RHPN2: variants seen among roughly 807,000 people sequenced by gnomAD.
The protein encoded by RHPN2 is rhophilin-2.
A neutral mutation model predicts 79.0 loss-of-function variants in RHPN2; 40 were observed. That is an observed-to-expected ratio of 0.51 (90% CI 0.39 to 0.66). RHPN2 has a LOEUF of 0.66. RHPN2 is among the 30% of genes least tolerant of loss of function. The probability of loss-of-function intolerance (pLI) is 0.00; values close to 1 mark genes in which losing one functional copy is unlikely to be tolerated. For synonymous variants in RHPN2, 285 were observed against 363.5 expected (o/e 0.78, Z 2.46); for missense variants, 686 against 883.5 (o/e 0.78, Z 2.83).
At chr19:32,996,563 C>T (rs1229726796) in intron 10 of RHPN2, 4 of 388,328 alleles carry the variant, frequency 1.0e-5, no homozygotes, top group Non-Finnish European at 2.0e-5. Flanking sequence ...GTGGCAGGTA[C>T]CTAAAGCCCC....
chr19:33,033,951 G>A (rs563081138), intron 2 of RHPN2, among the ~76,000 whole-genome samples: 196 of 151,906 alleles, frequency 1.3e-3, no homozygotes, highest in African/African-American at 4.1e-3. Flanking sequence ...GAGCTTCCAC[G>A]TAATGCCAAC....
At chr19:33,002,222 A>AACTCCCGAACCCCCC in intron 9 of RHPN2, 25 bp downstream of exon 9, 2 of 1,610,728 alleles carry the variant, frequency 1.2e-6, no homozygotes, top group Non-Finnish European at 1.7e-6. Flanking sequence ...GCCCTCGCCA[A>AACTCCCGAACCCCCC]ACTCCCGAAC....
chr19:33,023,388 C>G (rs1165717682), intron 3 of RHPN2, among the ~76,000 whole-genome samples: 3 of 146,636 alleles, frequency 2.0e-5, no homozygotes, highest in Non-Finnish European at 4.5e-5. Flanking sequence ...GAGCCAAGAT[C>G]ACGCCACTGC....
At chr19:33,020,494 ATTTTTTT>A (rs35117323) in intron 4 of RHPN2, among the ~76,000 whole-genome samples, 1 of 131,392 alleles carries the variant, frequency 7.6e-6, no homozygotes, top group Non-Finnish European at 1.6e-5. Context: ...TGCCCAGCTA[ATTTTTTT>A]TTTTTTTTTT....
At position 33,003,015 on chromosome 19, in the gene RHPN2, TG is replaced by T; in HGVS notation, c.761-16del. ...ATTTAAAACCCCTAAAAGTGGAAAA[TG>T]TTTTGCCCATTAGTTCGGGTTCATA... On this transcript the variant is annotated splice_polypyrimidine_tract_variant and intron_variant, in intron 7 of 14. Coordinates refer to ENST00000254260, the MANE Select transcript of RHPN2 (RefSeq NM_033103.5). 6.2e-7 allele frequency: 1 copy of T among 1,612,736 alleles called. No individual in the cohort carries two copies. Among genetic ancestry groups the T allele is most frequent in the Non-Finnish European group, 8.5e-7 (1 of 1,179,176 alleles).
intron 14 of RHPN2, among the ~76,000 whole-genome samples, chr19:32,987,923 G>A (rs1404469512): frequency 2.6e-5 from 4 of 152,114 alleles, no homozygotes; most frequent in Non-Finnish European, 4.4e-5. Flanking sequence ...GCTCATGCCT[G>A]TAATCCCAAC....
chr19:32,991,689 C>T, intron 13 of RHPN2, 134 bp downstream of exon 13: 1 of 1,043,432 alleles, frequency 9.6e-7, no homozygotes, highest in South Asian at 1.4e-5. Flanking sequence ...AAAAATTAAT[C>T]CTTTTCTTTT....
chr19:33,013,581 C>T (rs190768623), intron 4 of RHPN2, among the ~76,000 whole-genome samples: 30 of 152,168 alleles, frequency 2.0e-4, no homozygotes, highest in African/African-American at 6.7e-4. Flanking sequence ...GTCTGCGCAT[C>T]GTGGCTCACG....
chr19:33,036,870 G>GCCCCCCCCCCCCCCCCC (rs199550754), intron 2 of RHPN2, among the ~76,000 whole-genome samples: 2 of 141,332 alleles, frequency 1.4e-5, no homozygotes, highest in African/African-American at 5.7e-5. Flanking sequence ...CCATGCCTGA[G>GCCCCCCCCCCCCCCCCC]CCCCCCCGCC....
chr19:33,020,231 T>C (rs1429542222), intron 4 of RHPN2, among the ~76,000 whole-genome samples: 1 of 152,132 alleles, frequency 6.6e-6, no homozygotes, highest in Non-Finnish European at 1.5e-5. Context: ...AAGACTCTGG[T>C]TATTCAAATA....
intron 7 of RHPN2, among the ~76,000 whole-genome samples, chr19:33,006,071 A>G (rs1971788651): frequency 6.6e-6 from 1 of 151,838 alleles, no homozygotes; most frequent in South Asian, 2.1e-4. Flanking sequence ...GTAGAGATGG[A>G]GTTTCGCCTT....
In RHPN2 at chr19:33,018,011, G is replaced by A. The variant is rs192194337; in HGVS notation, c.390+3560C>T. 1.4e-3 allele frequency among the ~76,000 whole-genome samples: 210 copies of A among 152,124 alleles called. 1 individual carries two copies. Among genetic ancestry groups the A allele is most frequent in the African/African-American group, 4.5e-3 (188 of 41,512 alleles). Reference sequence around the variant, plus strand: ...TCTACTAAAAATACAAAAATTAGCCGGGCGTGGTAGTGGGTGCCTGAAACC... The same window carrying A: ...TCTACTAAAAATACAAAAATTAGCCAGGCGTGGTAGTGGGTGCCTGAAACC... On this transcript the variant is annotated intron_variant, in intron 4 of 14. Transcript: ENST00000254260.
rs757463305 is a variant in RHPN2 at position 32,996,204 on chromosome 19, G to A, written c.1242C>T (p.Arg414=). 2 of 1,614,154 alleles carry A rather than the reference G, an allele frequency of 1.2e-6. No homozygotes were observed. The highest frequency in any genetic ancestry group is 2.2e-5 in the South Asian group (2 of 91,084). ...ACTCCTCGTGATGAGCCATGGCTCT[G>A]CGCAAGTGGGACTTCCCTGCAGACG... ...QRRQLGKSHL[R]RAMAHHEESV... is the part of the protein sequence containing the mutation. Residue 414 remains arginine, a synonymous_variant, in exon 11 of 15, where the codon CGC becomes CGT. Coordinates refer to ENST00000254260, the MANE Select transcript of RHPN2 (RefSeq NM_033103.5).
At chr19:33,064,132 C>T (rs1972305917) in intron 1 of RHPN2, among the ~76,000 whole-genome samples, 1 of 152,154 alleles carries the variant, frequency 6.6e-6, no homozygotes, top group African/African-American at 2.4e-5. Flanking sequence ...TCCCTTGAGC[C>T]CAAGAGTTCG....
chr19:33,062,362 T>G (rs1972287096), intron 1 of RHPN2, among the ~76,000 whole-genome samples: 1 of 151,620 alleles, frequency 6.6e-6, no homozygotes, highest in Admixed American at 6.6e-5. Flanking sequence ...CTGGGAAGGC[T>G]GAGGCGGGAG....
chr19:32,985,055 G>A (rs1971603926), intron 14 of RHPN2, among the ~76,000 whole-genome samples: 1 of 151,810 alleles, frequency 6.6e-6, no homozygotes, highest in African/African-American at 2.4e-5. Context: ...CTGGAGTGCA[G>A]TGGCACAATC....
At chr19:33,037,437 C>T (rs1194621588) in intron 2 of RHPN2, among the ~76,000 whole-genome samples, 2 of 152,316 alleles carry the variant, frequency 1.3e-5, no homozygotes, top group East Asian at 3.9e-4. Flanking sequence ...CAGTAGCAAC[C>T]TGCTCTGGTC....
At chr19:33,037,738 A>T (rs1468502549) in intron 2 of RHPN2, among the ~76,000 whole-genome samples, 1 of 152,124 alleles carries the variant, frequency 6.6e-6, no homozygotes, top group African/African-American at 2.4e-5. Context: ...CTCCAAACAC[A>T]TCCGAACATC....
intron 1 of RHPN2, among the ~76,000 whole-genome samples, chr19:33,052,523 G>A (rs905180414): frequency 2.6e-5 from 4 of 152,174 alleles, no homozygotes; most frequent in Non-Finnish European, 4.4e-5. Flanking sequence ...TCCTGGTTAC[G>A]CAATCCCTCA....
Sources: gnomAD v4.1 joint callset for allele counts (sites outside exome capture counted in the v4.1 genomes callset) on GRCh38, gnomAD v4.1.1 for gene constraint, MANE v1.5 for transcripts, NCBI Gene and HGNC (gene_info 2026-07-23, HGNC 2026-07-21) for gene names.